Variants in SENP1 observed in about 807,000 individuals in gnomAD.
SENP1 encodes the protein sentrin-specific protease 1.
In SENP1, 21 loss-of-function variants were observed where a neutral mutation model predicts 93.0. The observed-to-expected ratio is 0.23, with a 90% CI of 0.16 to 0.33. SENP1 has a LOEUF of 0.33. Ranked by LOEUF, SENP1 falls within the 10% of genes least tolerant of loss-of-function variation. The pLI is 1.00. For missense variants in SENP1, 591 were observed against 758.7 expected, an observed-to-expected ratio of 0.78 and a Z score of 2.60; for synonymous variants, 256 against 259.6, an observed-to-expected ratio of 0.99 and a Z score of 0.13.
intron 13 of SENP1, among the ~76,000 whole-genome samples, chr12:48,057,941 C>CTTTTTTTTTTTTTT (rs370210767): frequency 1.2e-5 from 1 of 85,682 alleles, no homozygotes; most frequent in African/African-American, 4.9e-5. Context: ...TTTATTTCCT[C>CTTTTTTTTTTTTTT]TTTTTTTTTT....
chr12:48,080,344 T>C (rs928645938), intron 6 of SENP1: 8 of 152,424 alleles, frequency 5.2e-5, no homozygotes, highest in Admixed American at 3.3e-4. Flanking sequence ...GCACAGCTTT[T>C]TGATGTTGCC....
intron 1 of SENP1, among the ~76,000 whole-genome samples, chr12:48,103,091 A>G (rs1375519589): frequency 1.3e-5 from 2 of 152,174 alleles, no homozygotes; most frequent in African/African-American, 4.8e-5. Flanking sequence ...CTTTTTTGAC[A>G]TTTTAAAGTT....
intron 6 of SENP1, among the ~76,000 whole-genome samples, chr12:48,077,578 G>A (rs559130079): frequency 2.2e-4 from 34 of 151,834 alleles, no homozygotes; most frequent in Middle Eastern, 3.4e-3. Context: ...GCTATATAAC[G>A]GGTTCACTTT....
At chr12:48,101,685 T>A (rs1945944833) in intron 1 of SENP1, among the ~76,000 whole-genome samples, 169 bp from the exon 2 acceptor site, 1 of 152,230 alleles carries the variant, frequency 6.6e-6, no homozygotes, top group Non-Finnish European at 1.5e-5. Flanking sequence ...TAAAACTAGC[T>A]TGAGGTACTT....
intron 8 of SENP1, 115 bp from the exon 9 acceptor site, chr12:48,071,836 T>C: frequency 2.9e-6 from 2 of 686,598 alleles, no homozygotes; most frequent in South Asian, 4.2e-5. Flanking sequence ...AAAAATAACA[T>C]AAGAACAAAG....
Position 48,071,708 on chromosome 12 carries a change from C to T in SENP1, c.954G>A (p.Val318=). The T allele has an allele frequency of 6.2e-7, 1 of 1,608,228 alleles. No individual in the cohort carries two copies. Among genetic ancestry groups the T allele is most frequent in the Non-Finnish European group, 8.5e-7 (1 of 1,175,308 alleles). The change falls in exon 9 of 18, where the codon GTG becomes GTA. Residue 318 remains valine, a synonymous_variant. Transcript: ENST00000549518. ...GGGAATCTTTCACTTTCAGTAAAATCACAGAGTCTGATCCTAAAGAAACAC... is the reference window on the plus strand; with the variant it reads ...GGGAATCTTTCACTTTCAGTAAAATTACAGAGTCTGATCCTAAAGAAACAC... ...SNTQSEGSDS[V]ILLKVKDSQT...
intron 13 of SENP1, among the ~76,000 whole-genome samples, chr12:48,060,805 T>C (rs1942908058): frequency 6.6e-6 from 1 of 152,196 alleles, no homozygotes; most frequent in Non-Finnish European, 1.5e-5. Flanking sequence ...TTTCTATTAG[T>C]AACTAATCTC....
chr12:48,098,737 A>G lies in SENP1; in HGVS notation c.5-613T>C, dbSNP rs566499463. On this transcript the variant is annotated intron_variant, in intron 2 of 17. Coordinates refer to ENST00000549518, the MANE Select transcript of SENP1 (RefSeq NM_001267594.2). ...GAGGCAGGAGGACTGTTTTGAGCCC[A>G]TGAGTTCAAATTTACAGTGAGCTAT... Among the ~76,000 whole-genome samples the G allele has an allele frequency of 1.1e-4, 16 of 151,834 alleles. No homozygotes were observed. The East Asian group carries it at 2.9e-3, about 28-fold the overall frequency.
intron 13 of SENP1, among the ~76,000 whole-genome samples, chr12:48,059,291 C>T (rs931820671): frequency 2.0e-5 from 3 of 152,086 alleles, no homozygotes; most frequent in Admixed American, 2.0e-4. Flanking sequence ...TGATATCTTT[C>T]TTTGGCTTTT....
At chr12:48,093,681 C>G (rs533458419) in intron 4 of SENP1, among the ~76,000 whole-genome samples, 2 of 146,196 alleles carry the variant, frequency 1.4e-5, no homozygotes, top group South Asian at 4.3e-4. Flanking sequence ...TGTGGATGTG[C>G]GTATCAATTC....
intron 6 of SENP1, chr12:48,081,570 G>GT (rs397962697): frequency 0.59 from 69,895 of 119,260 alleles, 21,511 homozygotes; most frequent in East Asian, 0.93. Context: ...GTGTTTTTTC[G>GT]TTTTTTTTTT....
chr12:48,080,306 T>C (rs1944412445), intron 6 of SENP1: 1 of 152,264 alleles, frequency 6.6e-6, no homozygotes, highest in South Asian at 2.1e-4. Context: ...TAAACAGTGC[T>C]TGTGGCTAGC....
At chr12:48,091,139 A>T (rs985696604) in intron 4 of SENP1, among the ~76,000 whole-genome samples, 2 of 152,202 alleles carry the variant, frequency 1.3e-5, no homozygotes, top group African/African-American at 4.8e-5. Flanking sequence ...TGAATATAAT[A>T]AACTTCATAT....
rs558046290 is a variant in SENP1, at chr12:48,043,836, G to A, written c.*1486C>T. On this transcript the variant is annotated 3_prime_UTR_variant, in exon 18 of 18. Coordinates refer to ENST00000549518, the MANE Select transcript of SENP1 (RefSeq NM_001267594.2). ...TAAAACATAGAAAAATGTACTAAAC[G>A]AGCTTGTATAAAACAGTAAAATTTT... is the stretch of plus-strand genomic sequence containing the variant. The A allele has an allele frequency of 3.3e-5, 5 of 152,620 alleles. No homozygotes were observed. The highest frequency in any genetic ancestry group is 3.4e-3 in the Middle Eastern group (1 of 294). 9.5% of individuals were successfully genotyped at this position (152,620 alleles called of 1,614,324 possible).
chr12:48,050,740 C>A (rs1482464708), intron 13 of SENP1, among the ~76,000 whole-genome samples: 1 of 152,172 alleles, frequency 6.6e-6, no homozygotes, highest in African/African-American at 2.4e-5. Context: ...ATCTTCCCAG[C>A]AAGTACAGAT....
chr12:48,105,465 G>A (rs369906571), intron 1 of SENP1: 8 of 518,980 alleles, frequency 1.5e-5, no homozygotes, highest in Non-Finnish European at 2.7e-5. Flanking sequence ...ACCTGAGCAG[G>A]AGGGTCCAGA....
At chr12:48,065,502 C>T in intron 11 of SENP1, 94 bp downstream of exon 11, 2 of 799,964 alleles carry the variant, frequency 2.5e-6, no homozygotes, top group Non-Finnish European at 4.1e-6. Flanking sequence ...CTTGGAATTA[C>T]AACAGCAATT....
intron 1 of SENP1, 190 bp downstream of exon 1, chr12:48,105,838 G>C (rs1292995881): frequency 6.7e-6 from 4 of 598,080 alleles, no homozygotes; most frequent in Non-Finnish European, 1.2e-5. Context: ...GGCGGCCACA[G>C]CGCGGCCACC....
chr12:48,081,060 C>T (rs141565895), intron 6 of SENP1, among the ~76,000 whole-genome samples: 79 of 152,130 alleles, frequency 5.2e-4, no homozygotes, highest in African/African-American at 1.9e-3. Context: ...GGGTGAATGG[C>T]AAACTTACAA....
Sources: gnomAD v4.1 joint callset for allele counts (sites outside exome capture counted in the v4.1 genomes callset) on GRCh38, gnomAD v4.1.1 for gene constraint, MANE v1.5 for transcripts, NCBI Gene and HGNC (gene_info 2026-07-23, HGNC 2026-07-21) for gene names.